CNTN1: variants seen among roughly 807,000 people sequenced by gnomAD.
CNTN1 encodes contactin-1.
CNTN1 carries 38 observed loss-of-function variants against 126.4 expected under a neutral mutation model. That is an observed-to-expected ratio of 0.30 (90% confidence interval 0.23 to 0.39). The LOEUF is 0.39. Ranked by LOEUF, CNTN1 falls within the 10% of genes least tolerant of loss-of-function variation. CNTN1 has a pLI of 1.00. For missense variants in CNTN1, 1,009 were observed against 1,248.4 expected (o/e 0.81, Z 2.89); for synonymous variants, 413 against 422.6 (o/e 0.98, Z 0.28).
chr12:40,723,048 G>A (rs977395071), intron 1 of CNTN1, among the ~76,000 whole-genome samples: 5 of 151,984 alleles, frequency 3.3e-5, no homozygotes. Context: ...CTGCTTTATT[G>A]TCTATGAAAT....
chr12:40,832,261 C>A (rs1315884961), intron 1 of CNTN1, among the ~76,000 whole-genome samples: 2 of 152,194 alleles, frequency 1.3e-5, no homozygotes, highest in Non-Finnish European at 2.9e-5. Context: ...AATAGTCATG[C>A]ACCACATAAA....
intron 1 of CNTN1, among the ~76,000 whole-genome samples, chr12:40,799,941 C>T (rs1267042128): frequency 6.6e-6 from 1 of 151,926 alleles, no homozygotes; most frequent in Admixed American, 6.6e-5. Flanking sequence ...ACTAAGCGTA[C>T]AATATGACAT....
intron 14 of CNTN1, among the ~76,000 whole-genome samples, chr12:40,957,592 A>AAATAAATAAAT (rs1946937224): frequency 4.3e-5 from 6 of 140,664 alleles, no homozygotes; most frequent in African/African-American, 7.9e-5. Context: ...TGGTATGACA[A>AAATAAATAAAT]AAATAAATAA....
chr12:40,809,814 T>TGACACACACA (rs1940985807), intron 1 of CNTN1, among the ~76,000 whole-genome samples: 1 of 146,744 alleles, frequency 6.8e-6, no homozygotes, highest in Admixed American at 6.8e-5. Flanking sequence ...AGACTCTGTC[T>TGACACACACA]CACACACACA....
chr12:40,912,904 G>A (rs1434209700), intron 3 of CNTN1, among the ~76,000 whole-genome samples: 1 of 152,162 alleles, frequency 6.6e-6, no homozygotes, highest in Non-Finnish European at 1.5e-5. Flanking sequence ...GCCAAGTTCT[G>A]GAAGTAGGCC....
intron 1 of CNTN1, among the ~76,000 whole-genome samples, chr12:40,905,043 A>T (rs1043194374): frequency 6.6e-6 from 1 of 152,376 alleles, no homozygotes; most frequent in African/African-American, 2.4e-5. Context: ...TCAGAGGCTG[A>T]GTAATTTGCC....
chr12:40,773,698 T>C (rs868698348), intron 1 of CNTN1, among the ~76,000 whole-genome samples: 22 of 13,940 alleles, frequency 1.6e-3, no homozygotes, highest in African/African-American at 3.5e-3. Context: ...TATATACACA[T>C]ATATATATAT....
rs573376412 is a variant in CNTN1 at position 40,732,680 on chromosome 12, C to A, written c.-77+40088C>A. Among the ~76,000 whole-genome samples, 7 of 152,064 alleles carry A rather than the reference C, an allele frequency of 4.6e-5. 1 individual carries two copies. The South Asian group carries it at 1.2e-3, about 27-fold the overall frequency. On this transcript the variant is annotated intron_variant, in intron 1 of 23. Coordinates refer to ENST00000551295, the MANE Select transcript of CNTN1 (RefSeq NM_001843.4). ...CCTATTAGTGTCTCTATTGAGGAAA[C>A]CTCAAAGAAAAGCACTGAAGTGTTA... is the stretch of plus-strand genomic sequence containing the variant.
chr12:41,028,037 C>A lies in CNTN1; in HGVS notation c.2823+68C>A, dbSNP rs1592426888. On this transcript the variant is annotated intron_variant, in intron 22 of 23. Transcript: ENST00000551295. ...TTTCAGTGAAACCCAAGATGGGTTT[C>A]TTTTCTTTTTTTGAGATGGAATTTT... 3.4e-6 allele frequency: 4 copies of A among 1,184,008 alleles called. No homozygotes were observed. In the African/African-American group the frequency reaches 6.0e-5, roughly 18 times the overall value. 73.3% of individuals were successfully genotyped at this position (1,184,008 alleles called of 1,614,324 possible).
intron 23 of CNTN1, among the ~76,000 whole-genome samples, chr12:41,053,430 T>TAA (rs1949731873): frequency 2.7e-5 from 1 of 37,062 alleles, no homozygotes; most frequent in East Asian, 1.2e-3. Context: ...TTTCACTAAA[T>TAA]ATATATATAT....
At chr12:40,737,307 A>G (rs7484965) in intron 1 of CNTN1, among the ~76,000 whole-genome samples, 146 of 86,058 alleles carry the variant, frequency 1.7e-3, no homozygotes, top group African/African-American at 3.3e-3. Flanking sequence ...GTGTGTGTGT[A>G]TATACACATA....
In CNTN1 at chr12:41,045,603, C is replaced by T. The variant is rs536038556; in HGVS notation, c.2980+16384C>T. On this transcript the variant is annotated intron_variant, in intron 23 of 23. Coordinates refer to ENST00000551295, the MANE Select transcript of CNTN1 (RefSeq NM_001843.4). ...TGTCAACATATTAAAATGGTCCATT[C>T]GATACTACATTAGGGACCAGCTTTA... Among the ~76,000 whole-genome samples the T allele has an allele frequency of 6.6e-5, 10 of 152,106 alleles. No individual in the cohort carries two copies. The South Asian group carries it at 1.0e-3, about 16-fold the overall frequency.
In CNTN1 at chr12:40,730,197, C is replaced by T. The variant is rs1592021792; in HGVS notation, c.-77+37605C>T. Among the ~76,000 whole-genome samples, 7 of 152,326 alleles carry T rather than the reference C, an allele frequency of 4.6e-5. 1 individual carries two copies. The highest frequency in any genetic ancestry group is 4.6e-4 in the Admixed American group (7 of 15,290). On this transcript the variant is annotated intron_variant, in intron 1 of 23. Transcript: ENST00000551295. The stretch of plus-strand genomic sequence containing the variant: ...AAAGTTTAGATTATGGCAAAAGTAG[C>T]CATGCTCCCAGTGGTGGCTGACTGT...
Position 40,936,871 on chromosome 12 carries a change from T to A in CNTN1, c.1076T>A (p.Ile359Asn). 2 of 1,613,274 alleles carry A rather than the reference T, an allele frequency of 1.2e-6. No individual in the cohort carries two copies. The highest frequency in any genetic ancestry group is 8.5e-7 in the Non-Finnish European group (1 of 1,179,428). The stretch of plus-strand genomic sequence containing the variant: ...CCTTGTGTGGCCACAGGAAAGCCCA[T>A]CCCTACAATCCGATGGTTGAAAAAT... ...YWPCVATGKP[I>N]PTIRWLKNGY... Residue 359 changes from isoleucine to asparagine, a missense_variant, in exon 10 of 24, where the codon ATC (isoleucine) becomes AAC (asparagine). Transcript: ENST00000551295.
chr12:40,877,791 G>A (rs969812471), intron 1 of CNTN1, among the ~76,000 whole-genome samples: 6 of 151,812 alleles, frequency 4.0e-5, no homozygotes, highest in African/African-American at 1.5e-4. Context: ...TACTTCTTTT[G>A]TTGCCTTATC....
intron 1 of CNTN1, among the ~76,000 whole-genome samples, chr12:40,774,699 A>G (rs1433078336): frequency 6.6e-6 from 1 of 151,578 alleles, no homozygotes; most frequent in African/African-American, 2.4e-5. Flanking sequence ...TATATAATTT[A>G]GCTATTATTG....
At chr12:40,948,186 A>G (rs949479310) in intron 14 of CNTN1, among the ~76,000 whole-genome samples, 1 of 151,444 alleles carries the variant, frequency 6.6e-6, no homozygotes, top group Non-Finnish European at 1.5e-5. Flanking sequence ...GGTTATTAAT[A>G]CTTTTTATAA....
chr12:40,922,786 C>T (rs995593202), intron 5 of CNTN1, among the ~76,000 whole-genome samples: 3 of 151,956 alleles, frequency 2.0e-5, no homozygotes, highest in African/African-American at 7.3e-5. Context: ...TCCTGGCCAA[C>T]ATGGTGAAAC....
At chr12:41,019,143 C>T (rs893567339) in intron 19 of CNTN1, among the ~76,000 whole-genome samples, 11 of 151,922 alleles carry the variant, frequency 7.2e-5, no homozygotes, top group Admixed American at 3.3e-4. Context: ...GCAACAAGAG[C>T]GAAACTCCAT....
Sources: allele counts gnomAD v4.1 joint callset (sites outside exome capture counted in the v4.1 genomes callset), GRCh38; gene constraint gnomAD v4.1.1; transcripts MANE v1.5; gene names NCBI Gene and HGNC (gene_info 2026-07-23, HGNC 2026-07-21).